PLEKHA8: variants seen among roughly 807,000 people sequenced by gnomAD.
The protein encoded by PLEKHA8 is pleckstrin homology domain-containing family A member 8.
PLEKHA8 carries 36 observed loss-of-function variants against 68.2 expected under a neutral mutation model. That is an observed-to-expected ratio of 0.53 (90% CI 0.40 to 0.70). PLEKHA8 has a LOEUF of 0.70. PLEKHA8 is among the 30% of genes least tolerant of loss of function. The pLI is 0.00. For synonymous variants in PLEKHA8, 211 were observed against 216.1 expected (o/e 0.98, Z 0.20); for missense variants, 505 against 615.4 (o/e 0.82, Z 1.90).
chr7:30,074,246 T>TGTGTGTG, intron 13 of PLEKHA8, 114 bp downstream of exon 13: 1 of 487,886 alleles, frequency 2.0e-6, no homozygotes, highest in Admixed American at 3.5e-5. Flanking sequence ...AGAAACAAAG[T>TGTGTGTG]TGTGTGTGTG....
Position 30,080,225 on chromosome 7 carries a change from C to T in PLEKHA8, c.*1438C>T. 1.0e-6 allele frequency: 1 copy of T among 985,348 alleles called. No homozygotes were observed. The highest frequency in any genetic ancestry group is 1.2e-6 in the Non-Finnish European group (1 of 829,902). 61.0% of individuals were successfully genotyped at this position (985,348 alleles called of 1,614,324 possible). ...ACTTAAGAAACATTGTTTCATAAAA[C>T]AATATTGAGTGGGCATTCTTCTGCA... On this transcript the variant is annotated 3_prime_UTR_variant, in exon 14 of 14. Transcript: ENST00000449726.
chr7:30,034,693 T>A (rs1332887096), intron 1 of PLEKHA8, among the ~76,000 whole-genome samples: 1 of 152,126 alleles, frequency 6.6e-6, no homozygotes, highest in Non-Finnish European at 1.5e-5. Flanking sequence ...GAGGAGGGGT[T>A]GGTTTTGCTA....
At chr7:30,062,626 A>T (rs1173370942) in intron 11 of PLEKHA8, 46 bp from the exon 12 acceptor site, 1 of 1,436,074 alleles carries the variant, frequency 7.0e-7, no homozygotes, top group East Asian at 2.3e-5. Context: ...CCCACTCAAC[A>T]TAAGTGAACT....
intron 1 of PLEKHA8, among the ~76,000 whole-genome samples, chr7:30,033,280 G>A (rs369868652): frequency 3.3e-5 from 5 of 152,194 alleles, no homozygotes; most frequent in South Asian, 4.1e-4. Context: ...AAGAAACCCA[G>A]TACCCATTAG....
chr7:30,108,512 T>G (rs148608115), intron 13 of PLEKHA8, among the ~76,000 whole-genome samples: 56 of 152,334 alleles, frequency 3.7e-4, no homozygotes, highest in African/African-American at 1.3e-3. Context: ...ATTTTATTTT[T>G]TTTAGTATGG....
At chr7:30,100,182 C>T (rs1322292175) in intron 13 of PLEKHA8, among the ~76,000 whole-genome samples, 3 of 152,138 alleles carry the variant, frequency 2.0e-5, no homozygotes, top group African/African-American at 7.2e-5. Flanking sequence ...AGTATGACCC[C>T]ATCTTGACTA....
rs373551014 is a variant in PLEKHA8 at position 30,062,814 on chromosome 7, G to GGT, written c.1300+73_1300+74dup. The GGT allele has an allele frequency of 4.5e-4, 481 of 1,078,698 alleles. No homozygotes were observed. The African/African-American group carries it at 6.9e-3, about 15-fold the overall frequency. The allele number at this position is 1,078,698 out of a possible 1,614,324, so 66.8% of individuals were successfully genotyped here. ...TGGAGACCCCTAGAGGAGGATACAG[G>GGT]GTATAGGGGATATTTCTGCTTTTCA... On this transcript the variant is annotated intron_variant, in intron 12 of 13. Transcript: ENST00000449726.
chr7:30,037,281 A>G (rs1411669987), intron 1 of PLEKHA8, among the ~76,000 whole-genome samples: 2 of 152,206 alleles, frequency 1.3e-5, no homozygotes, highest in East Asian at 1.9e-4. Flanking sequence ...AGTCCTATCA[A>G]GACATTTAAT....
intron 13 of PLEKHA8, among the ~76,000 whole-genome samples, chr7:30,127,303 T>C: frequency 6.6e-6 from 1 of 152,190 alleles, no homozygotes; most frequent in Non-Finnish European, 1.5e-5. Flanking sequence ...AGGTGAGGAA[T>C]ATTATTCCCG....
chr7:30,091,785 G>T (rs1795424386), downstream of PLEKHA8, among the ~76,000 whole-genome samples: 1 of 152,220 alleles, frequency 6.6e-6, no homozygotes, highest in Non-Finnish European at 1.5e-5. Context: ...GGAGCTGAAA[G>T]ATTTCTTTCT....
At chr7:30,095,307 G>C (rs538170298), downstream of PLEKHA8, among the ~76,000 whole-genome samples, 1 of 152,146 alleles carries the variant, frequency 6.6e-6, no homozygotes, top group Non-Finnish European at 1.5e-5. Context: ...GTGTTTTTTG[G>C]CTACATAAAT....
In PLEKHA8 at chr7:30,060,912, T is replaced by C; in HGVS notation, c.1068T>C (p.Pro356=). 6.2e-7 allele frequency: 1 copy of C among 1,613,656 alleles called. No homozygotes were observed. The highest frequency in any genetic ancestry group is 8.5e-7 in the Non-Finnish European group (1 of 1,179,788). Residue 356 remains proline (P), a synonymous_variant, in exon 10 of 14, where the codon CCT becomes CCC. Transcript: ENST00000449726. The part of the protein sequence containing the change: ...LDKLGPTVFA[P]VKMDLVGNIK... ...AACTTGGCCCTACAGTGTTTGCTCC[T>C]GTTAAGATGGATCTTGTTGGAAATA... is the stretch of plus-strand genomic sequence containing the variant.
Position 30,081,678 on chromosome 7 carries a change from T to A in PLEKHA8, c.*2891T>A. The A allele has an allele frequency of 1.0e-6, 1 of 985,334 alleles. No homozygotes were observed. Among genetic ancestry groups the A allele is most frequent in the Non-Finnish European group, 1.2e-6 (1 of 829,854 alleles). The allele number at this position is 985,334 out of a possible 1,614,324, so 61.0% of individuals were successfully genotyped here. Reference sequence around the variant, plus strand: ...TTTGTTCTCATCGCTCAAAGCATTTTTAGGATTATTTTTCTAGCGTAACCT... The same window carrying A: ...TTTGTTCTCATCGCTCAAAGCATTTATAGGATTATTTTTCTAGCGTAACCT... On this transcript the variant is annotated 3_prime_UTR_variant, in exon 14 of 14. Transcript: ENST00000449726.
chr7:30,060,693 C>T (rs532840148), intron 9 of PLEKHA8, among the ~76,000 whole-genome samples, 191 bp from the exon 10 acceptor site: 1 of 152,150 alleles, frequency 6.6e-6, no homozygotes, highest in African/African-American at 2.4e-5. Flanking sequence ...TTATAACTCA[C>T]CTTGGAGTAG....
At position 30,083,384 on chromosome 7, in the gene PLEKHA8, C is replaced by T. The variant is rs191877306; in HGVS notation, c.*4597C>T. The T allele has an allele frequency of 8.1e-6, 8 of 983,448 alleles. No individual in the cohort carries two copies. The highest frequency in any genetic ancestry group is 2.3e-4 in the East Asian group (2 of 8,802). The allele number at this position is 983,448 out of a possible 1,614,324, so 60.9% of individuals were successfully genotyped here. On this transcript the variant is annotated 3_prime_UTR_variant, in exon 14 of 14. Coordinates refer to ENST00000449726, the MANE Select transcript of PLEKHA8 (RefSeq NM_001197026.2). The stretch of plus-strand genomic sequence containing the variant: ...TTAAGACTGTTTATCTGTATCACAA[C>T]GTCATTAGGAGTTCTTTCAACAATT...
At chr7:30,086,170 A>C (rs1795173967), downstream of PLEKHA8, among the ~76,000 whole-genome samples, 1 of 152,234 alleles carries the variant, frequency 6.6e-6, no homozygotes, top group Admixed American at 6.5e-5. Flanking sequence ...TATGTTGAGG[A>C]ATCACCACCA....
chr7:30,122,106 C>G (rs1195818651), intron 13 of PLEKHA8, among the ~76,000 whole-genome samples: 1 of 152,200 alleles, frequency 6.6e-6, no homozygotes, highest in African/African-American at 2.4e-5. Flanking sequence ...GTGATTCTGC[C>G]TGGGCGTCCA....
intron 13 of PLEKHA8, among the ~76,000 whole-genome samples, chr7:30,097,934 G>A (rs374780131): frequency 1.3e-5 from 2 of 152,312 alleles, no homozygotes; most frequent in South Asian, 2.1e-4. Context: ...TTTCTGCTCT[G>A]TTTTTTCCCC....
Position 30,045,192 on chromosome 7 carries a change from G to A in PLEKHA8, c.148G>A (p.Glu50Lys), listed in dbSNP as rs1466899432. ...CKGSIQMAVC[E>K]IQVHSVDNTR... ...AGGGAGCATACAAATGGCAGTCTGT[G>A]AAATTCAAGGTGAGAAATCAAGCAA... The change falls in exon 2 of 14, where the codon GAA (glutamate) becomes AAA (lysine). Residue 50 changes from glutamate (E) to lysine (K), a missense_variant. Transcript: ENST00000449726. 1 of 1,593,348 alleles carries A rather than the reference G, an allele frequency of 6.3e-7. No homozygotes were observed. The highest frequency in any genetic ancestry group is 2.2e-5 in the East Asian group (1 of 44,644).
Sources: gnomAD v4.1 joint callset for allele counts (sites outside exome capture counted in the v4.1 genomes callset) on GRCh38, gnomAD v4.1.1 for gene constraint, MANE v1.5 for transcripts, NCBI Gene and HGNC (gene_info 2026-07-23, HGNC 2026-07-21) for gene names.